SV2B: variants seen among roughly 807,000 people sequenced by gnomAD.
SV2B encodes the protein synaptic vesicle glycoprotein 2B.
In SV2B, 41 loss-of-function variants were observed where a neutral mutation model predicts 73.9. That is an observed-to-expected ratio of 0.56 (90% CI 0.43 to 0.72). SV2B has a LOEUF of 0.72. Among genes scored for constraint, SV2B ranks in the 30% least tolerant of loss-of-function variants. The probability of loss-of-function intolerance (pLI) is 0.00; values close to 1 mark genes in which losing one functional copy is unlikely to be tolerated. For missense variants in SV2B, 764 were observed against 857.8 expected (o/e 0.89, Z 1.37); for synonymous variants, 314 against 314.2 (o/e 1.00, Z 0.01).
At chr15:91,188,333 A>G (rs1211001283) in intron 1 of SV2B, among the ~76,000 whole-genome samples, 1 of 131,072 alleles carries the variant, frequency 7.6e-6, no homozygotes, top group African/African-American at 2.7e-5. Context: ...ATTTATTTTG[A>G]GACAGAGTCT....
rs1442996713 is a variant in SV2B at position 91,214,285 on chromosome 15, C to G, written c.-391-11588C>G. On this transcript the variant is annotated intron_variant, in intron 1 of 12. Coordinates refer to ENST00000394232, the MANE Select transcript of SV2B (RefSeq NM_001323032.3). This position sits in a 1 kb window ranked among gnomAD's most constrained non-coding sequence, Gnocchi z 4.7. ...CTCACCCAAGAAGGCCTCAGATTTG[C>G]TGCTTGTGGAGTGAGGTTAAGGGTC... Among the ~76,000 whole-genome samples, 3 of 152,072 alleles carry G rather than the reference C, an allele frequency of 2.0e-5. No homozygotes were observed. The highest frequency in any genetic ancestry group is 7.2e-5 in the African/African-American group (3 of 41,412).
In SV2B at chr15:91,145,751, C is replaced by CT. The variant is rs541157326; in HGVS notation, c.-392+45394dup. On this transcript the variant is annotated intron_variant, in intron 1 of 12. Coordinates refer to ENST00000394232, the MANE Select transcript of SV2B (RefSeq NM_001323032.3). ...TTCTCTAATGATCAATGATGCTGAG[C>CT]TTTTTTACACATGATTTTTGGCTGC... Among the ~76,000 whole-genome samples the CT allele has an allele frequency of 5.3e-3, 810 of 152,276 alleles. 5 individuals carry two copies. Among genetic ancestry groups the CT allele is most frequent in the African/African-American group, 0.018 (766 of 41,566 alleles).
intron 9 of SV2B, among the ~76,000 whole-genome samples, chr15:91,275,633 TGG>T (rs1453847981): frequency 6.6e-5 from 10 of 152,188 alleles, no homozygotes; most frequent in Non-Finnish European, 2.9e-5. Flanking sequence ...GAGACCAGCT[TGG>T]GCAACATGGT....
intron 1 of SV2B, among the ~76,000 whole-genome samples, chr15:91,200,689 G>A (rs966774212): frequency 9.2e-5 from 14 of 152,104 alleles, no homozygotes; most frequent in Non-Finnish European, 1.9e-4. Context: ...CAAGAGGTCC[G>A]CTTGAGTCCA....
rs959166093 is a variant in SV2B, at chr15:91,283,956, C to T, written c.1508-65C>T. The stretch of plus-strand genomic sequence containing the variant: ...CAGGAGGGGGCAGACTTCATCCCTG[C>T]CTCTGCCTTTCTCTCTCCAGCTCCC... On this transcript the variant is annotated intron_variant, in intron 10 of 12. Transcript: ENST00000394232. The surrounding 1 kb of genome is among the most constrained non-coding windows in gnomAD (Gnocchi z 4.3). 2 of 1,542,198 alleles carry T rather than the reference C, an allele frequency of 1.3e-6. No individual in the cohort carries two copies. The highest frequency in any genetic ancestry group is 8.9e-7 in the Non-Finnish European group (1 of 1,118,282).
intron 9 of SV2B, among the ~76,000 whole-genome samples, chr15:91,269,915 A>C (rs2048237095): frequency 6.6e-6 from 1 of 152,196 alleles, no homozygotes; most frequent in African/African-American, 2.4e-5. Context: ...CTACAGAGAC[A>C]GTTCAGAGTC....
At chr15:91,286,185 C>T (rs543728673) in intron 11 of SV2B, among the ~76,000 whole-genome samples, 6 of 152,220 alleles carry the variant, frequency 3.9e-5, no homozygotes, top group Non-Finnish European at 5.9e-5. Context: ...TGCAGTGGGT[C>T]GGCTGTGACA....
chr15:91,188,241 C>G (rs1447051663), intron 1 of SV2B, among the ~76,000 whole-genome samples: 1 of 152,016 alleles, frequency 6.6e-6, no homozygotes, highest in Non-Finnish European at 1.5e-5. Flanking sequence ...TGCTTACCCT[C>G]TCCAGTCCAG....
chr15:91,217,461 T>C (rs1207938303), intron 1 of SV2B, among the ~76,000 whole-genome samples: 8 of 152,168 alleles, frequency 5.3e-5, no homozygotes, highest in Non-Finnish European at 1.2e-4. Flanking sequence ...ATATACCTAA[T>C]GTAAGTGACG....
At position 91,220,216 on chromosome 15, in the gene SV2B, C is replaced by T. The variant is rs1206800224; in HGVS notation, c.-391-5657C>T. On this transcript the variant is annotated intron_variant, in intron 1 of 12. Transcript: ENST00000394232. This position sits in a 1 kb window ranked among gnomAD's most constrained non-coding sequence, Gnocchi z 4.1. ...AGCTTCCAAAGGCTATTTTACATGC[C>T]CACTGTCAGTTTCTGAGGGTTCCAG... 6.6e-6 allele frequency among the ~76,000 whole-genome samples: 1 copy of T among 152,154 alleles called. No homozygotes were observed. Among genetic ancestry groups the T allele is most frequent in the Non-Finnish European group, 1.5e-5 (1 of 68,026 alleles).
At chr15:91,273,935 A>G (rs1335611738) in intron 9 of SV2B, among the ~76,000 whole-genome samples, 1 of 152,208 alleles carries the variant, frequency 6.6e-6, no homozygotes, top group Non-Finnish European at 1.5e-5. Flanking sequence ...TTCAAAATTT[A>G]GATAAAACCA....
At position 91,230,224 on chromosome 15, in the gene SV2B, G is replaced by T. The variant is rs62026589; in HGVS notation, c.451+3510G>T. Among the ~76,000 whole-genome samples the T allele has an allele frequency of 6.6e-3, 970 of 146,886 alleles. 2 individuals carry two copies. The highest frequency in any genetic ancestry group is 0.011 in the Non-Finnish European group (717 of 67,160). On this transcript the variant is annotated intron_variant, in intron 2 of 12. Coordinates refer to ENST00000394232, the MANE Select transcript of SV2B (RefSeq NM_001323032.3). ...CCACTGTACTCCAGCCTGGGTGAAA[G>T]AGTGACACCTTGTCTCATTTAAAAA...
intron 1 of SV2B, among the ~76,000 whole-genome samples, chr15:91,126,834 A>C (rs555329805): frequency 6.6e-6 from 1 of 152,368 alleles, no homozygotes; most frequent in South Asian, 2.1e-4. Context: ...TTAAACTAGA[A>C]ATAGAAGGGA....
intron 1 of SV2B, among the ~76,000 whole-genome samples, chr15:91,127,575 A>G (rs1260293714): frequency 1.3e-5 from 2 of 152,150 alleles, no homozygotes; most frequent in African/African-American, 4.8e-5. Flanking sequence ...AGCTCTTTCT[A>G]TTGAACAAAT....
intron 2 of SV2B, among the ~76,000 whole-genome samples, chr15:91,250,949 A>G (rs1438565158): frequency 6.6e-6 from 1 of 152,218 alleles, no homozygotes; most frequent in Non-Finnish European, 1.5e-5. Context: ...AGAAATAGGA[A>G]AAACATCCTA....
rs141642966 is a variant in SV2B, at chr15:91,286,404, T to C, written c.1708+2183T>C. Reference sequence around the variant, plus strand: ...CTTGTTATCAGCGGAGTAGAAGTTTTCCTGATTAGGCTGCTACCCACTCAT... The same window carrying C: ...CTTGTTATCAGCGGAGTAGAAGTTTCCCTGATTAGGCTGCTACCCACTCAT... On this transcript the variant is annotated intron_variant, in intron 11 of 12. Transcript: ENST00000394232. Among the ~76,000 whole-genome samples, 78 of 152,324 alleles carry C rather than the reference T, an allele frequency of 5.1e-4. 1 individual carries two copies. The highest frequency in any genetic ancestry group is 1.6e-3 in the African/African-American group (68 of 41,556).
Position 91,105,392 on chromosome 15 carries a change from G to T in SV2B, c.-392+5029G>T, listed in dbSNP as rs923034128. On this transcript the variant is annotated intron_variant, in intron 1 of 12. Coordinates refer to ENST00000394232, the MANE Select transcript of SV2B (RefSeq NM_001323032.3). This position sits in a 1 kb window ranked among gnomAD's most constrained non-coding sequence, Gnocchi z 5.5. ...ATCTGGGGAAAGACATTTCCAGGTA[G>T]GGAGAACAGGTGCAAAGGCCCCGAG... 6.6e-6 allele frequency among the ~76,000 whole-genome samples: 1 copy of T among 152,180 alleles called. No homozygotes were observed. Among genetic ancestry groups the T allele is most frequent in the African/African-American group, 2.4e-5 (1 of 41,448 alleles).
At chr15:91,286,147 C>T (rs1217568114) in intron 11 of SV2B, among the ~76,000 whole-genome samples, 3 of 152,184 alleles carry the variant, frequency 2.0e-5, no homozygotes, top group Non-Finnish European at 4.4e-5. Context: ...TGTCTCTCTA[C>T]CCTTCAATCT....
In SV2B at chr15:91,258,487, C is replaced by T; in HGVS notation, c.851C>T (p.Ala284Val). Residue 284 changes from alanine to valine, a missense_variant, in exon 5 of 13, where the codon GCT becomes GTT. Transcript: ENST00000394232. The surrounding 1 kb of genome is among the most constrained non-coding windows in gnomAD (Gnocchi z 4.7). ...TGGAGAGTGTTTGTCATCGTCTGTG[C>T]TCTGCCCTGCACCGTGTCCATGGTG... ...HSWRVFVIVC[A>V]LPCTVSMVAL... 6.2e-7 allele frequency: 1 copy of T among 1,614,154 alleles called. No individual in the cohort carries two copies. The highest frequency in any genetic ancestry group is 8.5e-7 in the Non-Finnish European group (1 of 1,180,016).
Sources: allele counts gnomAD v4.1 joint callset (sites outside exome capture counted in the v4.1 genomes callset), GRCh38; gene constraint gnomAD v4.1.1; non-coding constraint Gnocchi (gnomAD v3.1); transcripts MANE v1.5; gene names NCBI Gene and HGNC (gene_info 2026-07-23, HGNC 2026-07-21).